Variants in FBXO15 observed in about 807,000 individuals in gnomAD.
FBXO15 encodes the protein F-box only protein 15.
A neutral mutation model predicts 49.5 loss-of-function variants in FBXO15; 30 were observed. The ratio of observed to expected loss-of-function variants is 0.61; its 90% CI spans 0.45 to 0.82. The LOEUF (loss-of-function observed/expected upper bound fraction) is 0.82, where lower values mean the gene tolerates loss of function less well. FBXO15 is among the 40% of genes least tolerant of loss of function. FBXO15 has a pLI of 0.00. For synonymous variants in FBXO15, 250 were observed against 232.7 expected (o/e 1.07, Z -0.68); for missense variants, 591 against 631.5 (o/e 0.94, Z 0.69).
intron 8 of FBXO15, among the ~76,000 whole-genome samples, chr18:74,120,487 T>C (rs1233129173): frequency 2.0e-5 from 3 of 152,324 alleles, no homozygotes; most frequent in Admixed American, 6.5e-5. Flanking sequence ...CTGACCACAA[T>C]TGAGTTAAAT....
intron 8 of FBXO15, 57 bp downstream of exon 8, chr18:74,123,311 G>GAAATAT (rs1914549234): frequency 6.4e-7 from 1 of 1,551,670 alleles, no homozygotes; most frequent in South Asian, 1.2e-5. Context: ...CATCAAAATT[G>GAAATAT]GTTCCCTCAC....
chr18:74,129,686 T>G, intron 4 of FBXO15, 72 bp from the exon 5 acceptor site: 1 of 1,263,792 alleles, frequency 7.9e-7, no homozygotes, highest in Non-Finnish European at 1.1e-6. Flanking sequence ...CAATTTCATG[T>G]ATCTTCTCTA....
chr18:74,115,400 A>G (rs1194737963), intron 8 of FBXO15, among the ~76,000 whole-genome samples: 1 of 152,188 alleles, frequency 6.6e-6, no homozygotes, highest in Non-Finnish European at 1.5e-5. Flanking sequence ...TTAGTAACAG[A>G]CACTGAAAAA....
intron 2 of FBXO15, 95 bp from the exon 3 acceptor site, chr18:74,135,961 T>G: frequency 1.1e-6 from 1 of 911,544 alleles, no homozygotes; most frequent in Non-Finnish European, 1.7e-6. Flanking sequence ...CATCTCTAAA[T>G]AGAAGGCCGT....
intron 1 of FBXO15, among the ~76,000 whole-genome samples, chr18:74,142,021 T>C (rs1429722757): frequency 6.6e-6 from 1 of 152,162 alleles, no homozygotes; most frequent in Non-Finnish European, 1.5e-5. Flanking sequence ...AACAAAGAAG[T>C]TGCATAAGGT....
At chr18:74,099,942 A>G (rs140978935) in intron 8 of FBXO15, 401 of 152,342 alleles carry the variant, frequency 2.6e-3, no homozygotes, top group African/African-American at 9.4e-3. Flanking sequence ...CTAAGAAATG[A>G]GATACACAGC....
At chr18:74,124,958 C>T (rs1296395931) in intron 6 of FBXO15, among the ~76,000 whole-genome samples, 1 of 152,174 alleles carries the variant, frequency 6.6e-6, no homozygotes, top group African/African-American at 2.4e-5. Context: ...ACTTTACTGA[C>T]ACAATGTTCC....
intron 4 of FBXO15, 116 bp downstream of exon 4, chr18:74,130,300 C>T (rs916129148): frequency 5.7e-5 from 79 of 1,375,328 alleles, no homozygotes; most frequent in Middle Eastern, 3.8e-4. Flanking sequence ...TTTATAGATG[C>T]ACAAAACACA....
chr18:74,147,489 G>A (rs1979511300), intron 1 of FBXO15, 181 bp downstream of exon 1: 3 of 1,231,004 alleles, frequency 2.4e-6, no homozygotes. Context: ...CATAACTTAG[G>A]GTACCCCACG....
chr18:74,147,453 T>C (rs1979505971), intron 1 of FBXO15: 2 of 1,191,942 alleles, frequency 1.7e-6, no homozygotes, highest in Admixed American at 4.4e-5. Context: ...AAAAAATATT[T>C]CCCCGAGAGG....
chr18:74,130,207 TC>T (rs910880228), intron 4 of FBXO15, among the ~76,000 whole-genome samples: 3 of 152,086 alleles, frequency 2.0e-5, no homozygotes, highest in Admixed American at 6.6e-5. Context: ...TGTTTCAAGT[TC>T]CCCCCCACTA....
chr18:74,123,143 T>G, intron 8 of FBXO15: 1 of 438,958 alleles, frequency 2.3e-6, no homozygotes, highest in East Asian at 3.8e-5. Context: ...CCCCAGAAGG[T>G]GGCATTGAGA....
At chr18:74,131,322 T>C (rs926440136) in intron 3 of FBXO15, among the ~76,000 whole-genome samples, 2 of 152,200 alleles carry the variant, frequency 1.3e-5, no homozygotes, top group African/African-American at 4.8e-5. Flanking sequence ...CTGTCCCCAC[T>C]GCATAGATGC....
intron 5 of FBXO15, among the ~76,000 whole-genome samples, chr18:74,127,987 C>A (rs573406154): frequency 6.6e-6 from 1 of 152,100 alleles, no homozygotes; most frequent in Non-Finnish European, 1.5e-5. Context: ...GTTCTCCAAA[C>A]GTAATTTTGA....
At chr18:74,125,876 A>C (rs1342598011) in intron 6 of FBXO15, 99 bp downstream of exon 6, 1 of 1,494,878 alleles carries the variant, frequency 6.7e-7, no homozygotes, top group Non-Finnish European at 9.0e-7. Flanking sequence ...GTTAGTGAAA[A>C]GCTTAAAGGA....
Position 74,075,710 on chromosome 18 carries a change from T to G in FBXO15, c.1264-1980A>C, listed in dbSNP as rs955401937. 6.6e-6 allele frequency among the ~76,000 whole-genome samples: 1 copy of G among 152,158 alleles called. No homozygotes were observed. Among genetic ancestry groups the G allele is most frequent in the African/African-American group, 2.4e-5 (1 of 41,442 alleles). ...CAGTCTGCTTCTCAGCAGTGTTTAG[T>G]TTTTCAAGAGAACAGTGAAGAGTAA... On this transcript the variant is annotated intron_variant, in intron 9 of 9. Transcript: ENST00000419743. The surrounding 1 kb of genome is among the most constrained non-coding windows in gnomAD (Gnocchi z 4.1).
intron 8 of FBXO15, among the ~76,000 whole-genome samples, chr18:74,120,061 T>A (rs905478379): frequency 2.0e-5 from 3 of 152,188 alleles, no homozygotes; most frequent in Non-Finnish European, 4.4e-5. Context: ...AATACTGGCA[T>A]AGAAGGCACA....
At chr18:74,097,561 T>A (rs910222004) in intron 8 of FBXO15, 1 of 152,412 alleles carries the variant, frequency 6.6e-6, no homozygotes, top group Admixed American at 6.5e-5. Flanking sequence ...ACAGCTCCAT[T>A]GATGTGGGAA....
intron 8 of FBXO15, among the ~76,000 whole-genome samples, chr18:74,109,375 TTGG>T (rs768967471): frequency 2.6e-5 from 4 of 152,200 alleles, no homozygotes; most frequent in Non-Finnish European, 5.9e-5. Context: ...TTTTACACTG[TTGG>T]TGGGAGTGTA....
Sources: allele counts gnomAD v4.1 joint callset (sites outside exome capture counted in the v4.1 genomes callset), GRCh38; gene constraint gnomAD v4.1.1; non-coding constraint Gnocchi (gnomAD v3.1); transcripts MANE v1.5; gene names NCBI Gene and HGNC (gene_info 2026-07-23, HGNC 2026-07-21).